The following SPSB1 variants were observed in gnomAD, a reference collection of about 807,000 sequenced individuals.
SPSB1 encodes the protein SPRY domain-containing SOCS box protein 1.
Under a neutral mutation model 21.2 loss-of-function variants are expected in SPSB1, and 8 were observed. The ratio of observed to expected loss-of-function variants is 0.38; its 90% CI spans 0.22 to 0.68. The LOEUF (loss-of-function observed/expected upper bound fraction) is 0.68, where lower values mean the gene tolerates loss of function less well. Ranked by LOEUF, SPSB1 falls within the 30% of genes least tolerant of loss-of-function variation. The probability of loss-of-function intolerance (pLI) is 0.53; values close to 1 mark genes in which losing one functional copy is unlikely to be tolerated. For synonymous variants in SPSB1, 169 were observed against 161.7 expected, an observed-to-expected ratio of 1.05 and a Z score of -0.34; for missense variants, 242 against 377.8, an observed-to-expected ratio of 0.64 and a Z score of 2.98.
chr1:9,315,487 C>G (rs1639598947), intron 1 of SPSB1, among the ~76,000 whole-genome samples: 1 of 152,234 alleles, frequency 6.6e-6, no homozygotes, highest in Non-Finnish European at 1.5e-5. Flanking sequence ...ATGAGGAAAC[C>G]AAGACCTGGA....
intron 1 of SPSB1, among the ~76,000 whole-genome samples, chr1:9,312,871 C>A (rs1389330594): frequency 1.3e-5 from 2 of 152,104 alleles, no homozygotes; most frequent in Non-Finnish European, 2.9e-5. Flanking sequence ...GGTGAGGTGG[C>A]CAGAGGCAGT....
At chr1:9,295,189 GGAGTGTGTGTGTGTGTGTGAGAGTGT>G (rs914777864) in intron 1 of SPSB1, among the ~76,000 whole-genome samples, 4 of 148,354 alleles carry the variant, frequency 2.7e-5, no homozygotes, top group South Asian at 2.1e-4. Context: ...CCCAGTAGAT[GGAGTGTGTGTGTGTGTGTGAGAGTGT>G]GAGTGTGTGT....
chr1:9,303,116 T>C (rs969842148), intron 1 of SPSB1, among the ~76,000 whole-genome samples: 1 of 152,142 alleles, frequency 6.6e-6, no homozygotes, highest in African/African-American at 2.4e-5. Context: ...TGATCTGGAC[T>C]ACCAAGGGGA....
rs1321387623 is a variant in SPSB1, at chr1:9,367,188, CTATT to C, written c.695-259_695-256del. ...GATGAAGGTAATGGTGTCTCTGTGACTATTAAGTCATTCATAAGAAACCACTGTG... is the reference window on the plus strand; with the variant it reads ...GATGAAGGTAATGGTGTCTCTGTGACAAGTCATTCATAAGAAACCACTGTG... On this transcript the variant is annotated intron_variant, in intron 2 of 2. Coordinates refer to ENST00000328089, the MANE Select transcript of SPSB1 (RefSeq NM_025106.4). The surrounding 1 kb of genome is among the most constrained non-coding windows in gnomAD (Gnocchi z 5.9). 3.9e-5 allele frequency among the ~76,000 whole-genome samples: 6 copies of C among 152,224 alleles called. No homozygotes were observed. The highest frequency in any genetic ancestry group is 7.3e-5 in the Non-Finnish European group (5 of 68,036).
intron 1 of SPSB1, among the ~76,000 whole-genome samples, chr1:9,332,439 A>G (rs922037341): frequency 3.3e-5 from 5 of 152,156 alleles, no homozygotes; most frequent in Non-Finnish European, 7.3e-5. Flanking sequence ...GATGATAGAA[A>G]TTGGCAGCAT....
At chr1:9,343,339 C>T (rs79829952) in intron 1 of SPSB1, among the ~76,000 whole-genome samples, 1,961 of 150,828 alleles carry the variant, frequency 0.013, 46 homozygotes, top group African/African-American at 0.045. Context: ...GTCATTTCGT[C>T]GAAAGGGAAT....
intron 1 of SPSB1, among the ~76,000 whole-genome samples, chr1:9,315,534 T>A (rs1639599894): frequency 6.6e-6 from 1 of 152,238 alleles, no homozygotes; most frequent in African/African-American, 2.4e-5. Flanking sequence ...GAGCTGAATG[T>A]GAATGTGACT....
chr1:9,301,352 T>G (rs894694149), intron 1 of SPSB1, among the ~76,000 whole-genome samples: 6 of 151,986 alleles, frequency 3.9e-5, no homozygotes, highest in African/African-American at 1.5e-4. Context: ...AATAAAAAAT[T>G]AGCTGGGCGT....
rs1025290800 is a variant in SPSB1 at position 9,293,432 on chromosome 1, G to A, written c.-150+361G>A. Among the ~76,000 whole-genome samples the A allele has an allele frequency of 3.3e-5, 5 of 151,554 alleles. No homozygotes were observed. Among genetic ancestry groups the A allele is most frequent in the African/African-American group, 1.2e-4 (5 of 41,366 alleles). Reference sequence around the variant, plus strand: ...CGAGGAGGGGCTGGGGCGCTCCGGGGCCGCCGACCCGTCCCCCCTTTAGCC... The same window carrying A: ...CGAGGAGGGGCTGGGGCGCTCCGGGACCGCCGACCCGTCCCCCCTTTAGCC... On this transcript the variant is annotated intron_variant, in intron 1 of 2. Transcript: ENST00000328089. This position sits in a 1 kb window ranked among gnomAD's most constrained non-coding sequence, Gnocchi z 5.1.
Position 9,357,740 on chromosome 1 carries a change from A to G in SPSB1, c.694+1155A>G, listed in dbSNP as rs550629958. Among the ~76,000 whole-genome samples, 41 of 152,262 alleles carry G rather than the reference A, an allele frequency of 2.7e-4. No individual in the cohort carries two copies. The East Asian group carries it at 7.7e-3, about 29-fold the overall frequency. ...CAGACTGTGAATGCAGCCCATGTGT[A>G]GGGGCACCGTGCTGGTGTGGGAGGT... On this transcript the variant is annotated intron_variant, in intron 2 of 2. Coordinates refer to ENST00000328089, the MANE Select transcript of SPSB1 (RefSeq NM_025106.4).
At chr1:9,314,112 G>C (rs1338307640) in intron 1 of SPSB1, among the ~76,000 whole-genome samples, 1 of 150,676 alleles carries the variant, frequency 6.6e-6, no homozygotes, top group Admixed American at 6.6e-5. Context: ...GGAGGCAGAG[G>C]TTGCAGTGAG....
intron 2 of SPSB1, among the ~76,000 whole-genome samples, chr1:9,358,511 G>A (rs891305249): frequency 4.6e-5 from 7 of 152,218 alleles, no homozygotes; most frequent in African/African-American, 1.7e-4. Flanking sequence ...AGCCAAATTT[G>A]CCTCAAACTG....
intron 1 of SPSB1, among the ~76,000 whole-genome samples, chr1:9,312,714 T>G (rs1223489780): frequency 2.0e-5 from 3 of 152,202 alleles, no homozygotes; most frequent in Non-Finnish European, 4.4e-5. Context: ...CTCATCAAAT[T>G]GGCGTGGTTT....
intron 1 of SPSB1, among the ~76,000 whole-genome samples, chr1:9,349,380 T>C (rs1313168045): frequency 6.6e-6 from 1 of 152,200 alleles, no homozygotes; most frequent in African/African-American, 2.4e-5. Context: ...TGTGGCACGA[T>C]GGGGCCAGAG....
chr1:9,353,995 G>T (rs1318440095), intron 1 of SPSB1, among the ~76,000 whole-genome samples: 2 of 152,124 alleles, frequency 1.3e-5, no homozygotes, highest in African/African-American at 4.8e-5. Context: ...CTGAGATAAG[G>T]GGGTCGGGGC....
chr1:9,356,715 C>T lies in SPSB1; in HGVS notation c.694+130C>T. On this transcript the variant is annotated intron_variant, in intron 2 of 2. Coordinates refer to ENST00000328089, the MANE Select transcript of SPSB1 (RefSeq NM_025106.4). This position sits in a 1 kb window ranked among gnomAD's most constrained non-coding sequence, Gnocchi z 7.4. ...GACGATATTCCAGTGTATTCAGACC[C>T]TCAGAGGCAACTTTTGCATCGGGTT... 2 of 1,398,444 alleles carry T rather than the reference C, an allele frequency of 1.4e-6. No homozygotes were observed. Among genetic ancestry groups the T allele is most frequent in the Non-Finnish European group, 1.9e-6 (2 of 1,070,352 alleles). 86.6% of individuals were successfully genotyped at this position (1,398,444 alleles called of 1,614,324 possible).
intron 1 of SPSB1, among the ~76,000 whole-genome samples, chr1:9,311,918 C>G (rs1363490251): frequency 6.6e-6 from 1 of 152,030 alleles, no homozygotes; most frequent in East Asian, 1.9e-4. Flanking sequence ...GGAAATGGGA[C>G]TGGTTTTCTC....
chr1:9,336,869 AC>A (rs1640013217), intron 1 of SPSB1, among the ~76,000 whole-genome samples: 1 of 152,080 alleles, frequency 6.6e-6, no homozygotes, highest in African/African-American at 2.4e-5. Flanking sequence ...CTGTCCAGAG[AC>A]CCAGGCGGGT....
chr1:9,301,354 G>A (rs528976005), intron 1 of SPSB1, among the ~76,000 whole-genome samples: 40 of 152,214 alleles, frequency 2.6e-4, no homozygotes, highest in Non-Finnish European at 4.4e-4. Context: ...TAAAAAATTA[G>A]CTGGGCGTGG....
Sources: allele counts gnomAD v4.1 joint callset (sites outside exome capture counted in the v4.1 genomes callset), GRCh38; gene constraint gnomAD v4.1.1; non-coding constraint Gnocchi (gnomAD v3.1); transcripts MANE v1.5; gene names NCBI Gene and HGNC (gene_info 2026-07-23, HGNC 2026-07-21).